The following ADGRL2 variants were observed in gnomAD, a reference collection of about 807,000 sequenced individuals.
ADGRL2 encodes adhesion G protein-coupled receptor L2.
ADGRL2 carries 44 observed loss-of-function variants against 157.4 expected under a neutral mutation model. That is an observed-to-expected ratio of 0.28 (90% CI 0.22 to 0.36). The LOEUF is 0.36. Ranked by LOEUF, ADGRL2 falls within the 10% of genes least tolerant of loss-of-function variation. The pLI is 1.00. For missense variants in ADGRL2, 1,510 were observed against 1,768.9 expected, an observed-to-expected ratio of 0.85 and a Z score of 2.63; for synonymous variants, 585 against 624.7, an observed-to-expected ratio of 0.94 and a Z score of 0.95.
intron 6 of ADGRL2, among the ~76,000 whole-genome samples, chr1:81,945,036 T>A (rs1649344347): frequency 6.6e-6 from 1 of 152,038 alleles, no homozygotes; most frequent in Non-Finnish European, 1.5e-5. Flanking sequence ...AATCAGGTTA[T>A]GTTTGTATTT....
chr1:81,918,255 G>T (rs1036364712), intron 3 of ADGRL2, among the ~76,000 whole-genome samples: 7 of 152,108 alleles, frequency 4.6e-5, no homozygotes, highest in African/African-American at 1.7e-4. Flanking sequence ...TGACATAAAT[G>T]TGCAAAGCCA....
chr1:81,315,480 T>G (rs2100579390), intron 1 of ADGRL2, among the ~76,000 whole-genome samples: 1 of 152,274 alleles, frequency 6.6e-6, no homozygotes, highest in Admixed American at 6.5e-5. Context: ...AATGACAATT[T>G]TATCTCCAAA....
intron 2 of ADGRL2, among the ~76,000 whole-genome samples, chr1:81,837,556 T>G (rs2092346753): frequency 6.6e-6 from 1 of 152,012 alleles, no homozygotes; most frequent in African/African-American, 2.4e-5. Context: ...GTATATTCTT[T>G]GTAATGTTAA....
At chr1:81,739,986 C>A (rs927408082) in intron 1 of ADGRL2, among the ~76,000 whole-genome samples, 16 of 152,098 alleles carry the variant, frequency 1.1e-4, no homozygotes, top group African/African-American at 3.9e-4. Flanking sequence ...TGATACCAAT[C>A]CAGATTGGAA....
intron 3 of ADGRL2, among the ~76,000 whole-genome samples, chr1:81,583,660 C>T (rs2080964065): frequency 6.6e-6 from 1 of 151,860 alleles, no homozygotes; most frequent in Non-Finnish European, 1.5e-5. Context: ...TGATTTTTTA[C>T]ATATGTTGTG....
chr1:81,817,980 A>G lies in ADGRL2; in HGVS notation c.-101+16912A>G, dbSNP rs544106114. ...GGAGTTCGAGATCGGCCTGGGTAAC[A>G]TAGCAAGACCCGTTTCTACCAGAAA... On this transcript the variant is annotated intron_variant, in intron 1 of 23. Coordinates refer to ENST00000686636, the MANE Select transcript of ADGRL2 (RefSeq NM_001366006.2). 1.3e-4 allele frequency among the ~76,000 whole-genome samples: 19 copies of G among 151,986 alleles called. No individual in the cohort carries two copies. The South Asian group carries it at 3.7e-3, about 30-fold the overall frequency.
At chr1:81,607,978 C>G (rs965897397) in intron 3 of ADGRL2, among the ~76,000 whole-genome samples, 1 of 152,138 alleles carries the variant, frequency 6.6e-6, no homozygotes, top group Non-Finnish European at 1.5e-5. Context: ...ATGAACCTTA[C>G]TAAAGCGAAA....
intron 2 of ADGRL2, among the ~76,000 whole-genome samples, chr1:81,488,226 A>G (rs1221307803): frequency 1.3e-5 from 2 of 152,328 alleles, no homozygotes; most frequent in South Asian, 2.1e-4. Context: ...CAGGGAAAAA[A>G]GCAGGTTCAG....
intron 2 of ADGRL2, among the ~76,000 whole-genome samples, chr1:81,872,909 A>G (rs1191431434): frequency 6.6e-6 from 1 of 152,150 alleles, no homozygotes; most frequent in Non-Finnish European, 1.5e-5. Context: ...TATGAATATC[A>G]GAAGCACTTA....
intron 3 of ADGRL2, among the ~76,000 whole-genome samples, chr1:81,661,087 T>A (rs2082640572): frequency 6.6e-6 from 1 of 152,246 alleles, no homozygotes; most frequent in Non-Finnish European, 1.5e-5. Flanking sequence ...TAAGACTTTT[T>A]ACACCAGCTC....
intron 2 of ADGRL2, chr1:81,502,876 A>G (rs573320630): frequency 3.1e-6 from 5 of 1,613,168 alleles, no homozygotes; most frequent in East Asian, 2.2e-5. Flanking sequence ...CCGCTTTCCC[A>G]TCCTTGGGCT....
intron 1 of ADGRL2, among the ~76,000 whole-genome samples, chr1:81,338,801 C>T (rs115705093): frequency 0.012 from 1,846 of 152,228 alleles, 43 homozygotes; most frequent in African/African-American, 0.042. Context: ...AAACTGAACC[C>T]GGGCAGCTTG....
At chr1:81,362,507 A>G (rs1180813734) in intron 1 of ADGRL2, among the ~76,000 whole-genome samples, 2 of 151,958 alleles carry the variant, frequency 1.3e-5, no homozygotes, top group African/African-American at 4.8e-5. Context: ...TCCACAAGAA[A>G]TGAGAAAATA....
Position 81,981,979 on chromosome 1 carries a change from A to T in ADGRL2, c.3282+3A>T. The T allele has an allele frequency of 6.2e-7, 1 of 1,609,982 alleles. No individual in the cohort carries two copies. Among genetic ancestry groups the T allele is most frequent in the Non-Finnish European group, 8.5e-7 (1 of 1,177,750 alleles). Reference sequence around the variant, plus strand: ...TTCACTGTGCTCTCCAAAAGAAAGTAAGTAATTGAAAACACCTAGGGGCTC... The same window carrying T: ...TTCACTGTGCTCTCCAAAAGAAAGTTAGTAATTGAAAACACCTAGGGGCTC... On this transcript the variant is annotated splice_donor_region_variant and intron_variant, in intron 19 of 23. Coordinates refer to ENST00000686636, the MANE Select transcript of ADGRL2 (RefSeq NM_001366006.2).
chr1:81,479,758 G>A (rs1489040028), intron 2 of ADGRL2, among the ~76,000 whole-genome samples: 1 of 151,986 alleles, frequency 6.6e-6, no homozygotes, highest in East Asian at 1.9e-4. Context: ...TTTCCCATGT[G>A]ATTTTACATC....
intron 3 of ADGRL2, among the ~76,000 whole-genome samples, chr1:81,917,351 T>C (rs1400696633): frequency 6.6e-6 from 1 of 152,192 alleles, no homozygotes; most frequent in Admixed American, 6.6e-5. Flanking sequence ...CATATTTTTG[T>C]GCCTTGCATA....
intron 2 of ADGRL2, among the ~76,000 whole-genome samples, chr1:81,449,748 T>C (rs534241270): frequency 3.3e-5 from 5 of 152,132 alleles, no homozygotes; most frequent in Non-Finnish European, 5.9e-5. Context: ...ACTACAGGCA[T>C]GTACCACCAT....
chr1:81,634,074 T>A (rs767289818), intron 3 of ADGRL2, among the ~76,000 whole-genome samples: 8 of 152,088 alleles, frequency 5.3e-5, no homozygotes, highest in Non-Finnish European at 1.2e-4. Context: ...AAGAAGACTG[T>A]GTAAGAGTCC....
At chr1:81,424,970 C>T (rs2077185715) in intron 1 of ADGRL2, among the ~76,000 whole-genome samples, 1 of 152,152 alleles carries the variant, frequency 6.6e-6, no homozygotes, top group African/African-American at 2.4e-5. Context: ...TTATAAGCTT[C>T]ACCTTAAAAG....
Sources: gnomAD v4.1 joint callset for allele counts (sites outside exome capture counted in the v4.1 genomes callset) on GRCh38, gnomAD v4.1.1 for gene constraint, MANE v1.5 for transcripts, NCBI Gene and HGNC (gene_info 2026-07-23, HGNC 2026-07-21) for gene names.